Variants in PTPRN2 observed in about 807,000 individuals in gnomAD.
PTPRN2 encodes receptor-type tyrosine-protein phosphatase N2.
A neutral mutation model predicts 118.8 loss-of-function variants in PTPRN2; 74 were observed. The ratio of observed to expected loss-of-function variants is 0.62; its 90% CI spans 0.52 to 0.76. The LOEUF (loss-of-function observed/expected upper bound fraction) is 0.76. Ranked by LOEUF, PTPRN2 falls within the 30% of genes least tolerant of loss-of-function variation. The pLI is 0.00. For missense variants in PTPRN2, 1,481 were observed against 1,394.4 expected, an observed-to-expected ratio of 1.06 and a Z score of -0.99; for synonymous variants, 641 against 608.0, an observed-to-expected ratio of 1.05 and a Z score of -0.80.
At chr7:158,010,966 A>T (rs1806003606) in intron 11 of PTPRN2, among the ~76,000 whole-genome samples, 1 of 152,238 alleles carries the variant, frequency 6.6e-6, no homozygotes, top group South Asian at 2.1e-4. Flanking sequence ...ACTTAGAATA[A>T]CAATCGCCTC....
intron 5 of PTPRN2, among the ~76,000 whole-genome samples, chr7:158,177,505 T>C (rs956269823): frequency 2.0e-5 from 3 of 152,194 alleles, no homozygotes; most frequent in African/African-American, 7.2e-5. Context: ...TCCGTCACCC[T>C]GAATACATTC....
intron 2 of PTPRN2, among the ~76,000 whole-genome samples, chr7:158,358,865 G>A (rs1808599729): frequency 6.6e-6 from 1 of 152,202 alleles, no homozygotes; most frequent in Admixed American, 6.5e-5. Flanking sequence ...TGGTGGTGAT[G>A]GCTACACAGC....
At chr7:158,220,881 C>CA (rs201797228) in intron 3 of PTPRN2, among the ~76,000 whole-genome samples, 7,577 of 126,686 alleles carry the variant, frequency 0.06, 273 homozygotes, top group East Asian at 0.18. Context: ...CATATGGATC[C>CA]AAAAAAAAAA....
intron 3 of PTPRN2, among the ~76,000 whole-genome samples, chr7:158,311,408 G>C (rs373152252): frequency 6.6e-6 from 1 of 151,800 alleles, no homozygotes; most frequent in Non-Finnish European, 1.5e-5. Flanking sequence ...GCATGCCAAC[G>C]AGTGACATTT....
intron 2 of PTPRN2, among the ~76,000 whole-genome samples, chr7:158,342,081 G>T (rs56321567): frequency 0.32 from 28,872 of 89,104 alleles, 4,554 homozygotes; most frequent in African/African-American, 0.42. Flanking sequence ...ACTCTCACCA[G>T]AAGGGGTGTC....
rs369840712 is a variant in PTPRN2 at position 157,568,775 on chromosome 7, G to C, written c.2902+127C>G. The C allele has an allele frequency of 5.5e-4, 499 of 905,970 alleles. 3 individuals are homozygous for C. In the African/African-American group the frequency reaches 7.4e-3, roughly 13 times the overall value. The allele number at this position is 905,970 out of a possible 1,614,324, so 56.1% of individuals were successfully genotyped here. On this transcript the variant is annotated intron_variant, in intron 21 of 22. Transcript: ENST00000389418. ...TGCTTGCTGCAAACCACCTTCCTAC[G>C]GCCCAGCAGAGGCACAACAAGCAGC... is the stretch of plus-strand genomic sequence containing the variant.
At chr7:158,501,878 C>A (rs943528611) in intron 1 of PTPRN2, among the ~76,000 whole-genome samples, 1 of 152,188 alleles carries the variant, frequency 6.6e-6, no homozygotes, top group African/African-American at 2.4e-5. Context: ...CCTGAGCCAC[C>A]AGCACCGCGC....
chr7:157,878,264 G>T (rs1204020186), intron 12 of PTPRN2, among the ~76,000 whole-genome samples: 1 of 152,244 alleles, frequency 6.6e-6, no homozygotes, highest in Non-Finnish European at 1.5e-5. Context: ...CTCCTTAAAG[G>T]GGCTGGAAGG....
intron 3 of PTPRN2, among the ~76,000 whole-genome samples, chr7:158,231,292 C>T (rs565425574): frequency 6.6e-6 from 1 of 152,018 alleles, no homozygotes; most frequent in Non-Finnish European, 1.5e-5. Flanking sequence ...ATATTCCATG[C>T]AAGTGGAAAC....
intron 12 of PTPRN2, among the ~76,000 whole-genome samples, chr7:157,848,568 A>T: frequency 6.6e-6 from 1 of 152,262 alleles, no homozygotes; most frequent in East Asian, 1.9e-4. Context: ...CACTGCTGTG[A>T]GATGGGCAAC....
At chr7:157,997,852 T>G in intron 11 of PTPRN2, among the ~76,000 whole-genome samples, 1 of 64,926 alleles carries the variant, frequency 1.5e-5, no homozygotes, top group Non-Finnish European at 3.0e-5. Context: ...GGGAGTGGAG[T>G]GCAGGGCTGG....
chr7:157,817,428 G>C (rs185055655), intron 12 of PTPRN2, among the ~76,000 whole-genome samples: 207 of 152,246 alleles, frequency 1.4e-3, no homozygotes, highest in Middle Eastern at 0.01. Context: ...GTGGGGAAAG[G>C]AGAGGTCACT....
intron 22 of PTPRN2, among the ~76,000 whole-genome samples, chr7:157,547,180 G>C (rs901799983): frequency 2.0e-5 from 3 of 152,274 alleles, no homozygotes; most frequent in Admixed American, 2.0e-4. Context: ...GTGGAGTCAC[G>C]AACACACCTG....
chr7:158,292,849 G>C (rs1010505118), intron 3 of PTPRN2, among the ~76,000 whole-genome samples: 1 of 152,010 alleles, frequency 6.6e-6, no homozygotes, highest in Non-Finnish European at 1.5e-5. Flanking sequence ...GGGTGGATCA[G>C]TTGAGGTCAG....
rs1387361705 is a variant in PTPRN2, at chr7:158,166,921, G to A, written c.910+10C>T. ...CAGCAAACAAGAAACACCAAGCGGG[G>A]CTGGCTCACCATCGCCTGTGCTGGA... On this transcript the variant is annotated intron_variant, in intron 6 of 22. Transcript: ENST00000389418. 1 of 1,424,898 alleles carries A rather than the reference G, an allele frequency of 7.0e-7. No homozygotes were observed. The highest frequency in any genetic ancestry group is 9.2e-7 in the Non-Finnish European group (1 of 1,084,158). The allele number at this position is 1,424,898 out of a possible 1,614,324, so 88.3% of individuals were successfully genotyped here. A position where few individuals can be genotyped will look rare whatever the true frequency, so the allele number is the denominator to read the frequency against.
At chr7:158,257,726 G>A (rs1477309010) in intron 3 of PTPRN2, among the ~76,000 whole-genome samples, 1 of 152,262 alleles carries the variant, frequency 6.6e-6, no homozygotes, top group East Asian at 1.9e-4. Flanking sequence ...ACCTGCGGCG[G>A]TGACTGCCCC....
intron 12 of PTPRN2, among the ~76,000 whole-genome samples, chr7:157,756,859 C>A (rs1355311316): frequency 1.3e-5 from 2 of 151,680 alleles, no homozygotes; most frequent in African/African-American, 4.8e-5. Context: ...ACGTCGCTTT[C>A]CATGTCATTA....
intron 9 of PTPRN2, among the ~76,000 whole-genome samples, chr7:158,123,577 C>T (rs1006706863): frequency 1.3e-5 from 2 of 152,212 alleles, no homozygotes; most frequent in African/African-American, 4.8e-5. Flanking sequence ...GTGTGCCGCA[C>T]CCAGGCCAAC....
intron 12 of PTPRN2, among the ~76,000 whole-genome samples, chr7:157,798,416 T>TG (rs1439555064): frequency 6.6e-6 from 1 of 152,194 alleles, no homozygotes; most frequent in African/African-American, 2.4e-5. Context: ...GTCACCATGC[T>TG]GGCTTTCTTG....
Sources: allele counts gnomAD v4.1 joint callset (sites outside exome capture counted in the v4.1 genomes callset), GRCh38; gene constraint gnomAD v4.1.1; transcripts MANE v1.5; gene names NCBI Gene and HGNC (gene_info 2026-07-23, HGNC 2026-07-21).